NKD1: variants seen among roughly 807,000 people sequenced by gnomAD.
NKD1 encodes protein naked cuticle homolog 1.
A neutral mutation model predicts 56.0 loss-of-function variants in NKD1; 21 were observed. The observed-to-expected ratio is 0.38, with a 90% confidence interval of 0.27 to 0.54. The LOEUF is 0.54. NKD1 is among the 20% of genes least tolerant of loss of function. The pLI is 0.82. For synonymous variants in NKD1, 263 were observed against 265.7 expected, an observed-to-expected ratio of 0.99 and a Z score of 0.10; for missense variants, 578 against 642.7, an observed-to-expected ratio of 0.90 and a Z score of 1.09.
chr16:50,579,160 C>G (rs1212219331), intron 3 of NKD1, among the ~76,000 whole-genome samples: 2 of 151,688 alleles, frequency 1.3e-5, no homozygotes, highest in Non-Finnish European at 2.9e-5. Flanking sequence ...CGCACTCTAA[C>G]CAGCCACACA....
At chr16:50,628,956 C>CTT (rs5816708) in intron 6 of NKD1, among the ~76,000 whole-genome samples, 2,014 of 137,452 alleles carry the variant, frequency 0.015, 64 homozygotes, top group African/African-American at 0.048. Context: ...GTGTCTCTTC[C>CTT]TTTTTTTTTT....
intron 3 of NKD1, chr16:50,555,391 T>G (rs1960478686): frequency 6.6e-6 from 1 of 152,350 alleles, no homozygotes; most frequent in Non-Finnish European, 1.5e-5. Context: ...GTATGTTGGG[T>G]GGAGCAGGGC....
In NKD1 at chr16:50,633,547, C is replaced by T. The variant is rs549963482; in HGVS notation, c.1179C>T (p.Ser393=). The change falls in exon 10 of 10, where the codon TCC becomes TCT. Residue 393 remains serine (S), a synonymous_variant. Transcript: ENST00000268459. This position sits in a 1 kb window ranked among gnomAD's most constrained non-coding sequence, Gnocchi z 4.9. ...HLAASPALLP[S]LAPLGHKKHK... is the part of the protein sequence containing the mutation. ...CTGCCAGCCCGGCCCTCCTCCCCTCCCTAGCCCCCCTCGGGCACAAGAAGC... is the reference window on the plus strand; with the variant it reads ...CTGCCAGCCCGGCCCTCCTCCCCTCTCTAGCCCCCCTCGGGCACAAGAAGC... 2.5e-6 allele frequency: 4 copies of T among 1,611,282 alleles called. No homozygotes were observed. The African/African-American group carries it at 5.3e-5, about 21-fold the overall frequency.
At position 50,598,024 on chromosome 16, in the gene NKD1, G is replaced by T. The variant is rs551483554; in HGVS notation, c.193-10270G>T. Among the ~76,000 whole-genome samples, 45 of 152,302 alleles carry T rather than the reference G, an allele frequency of 3.0e-4. No individual in the cohort carries two copies. The highest frequency in any genetic ancestry group is 1.0e-3 in the African/African-American group (42 of 41,546). On this transcript the variant is annotated intron_variant, in intron 3 of 9. Coordinates refer to ENST00000268459, the MANE Select transcript of NKD1 (RefSeq NM_033119.5). This position sits in a 1 kb window ranked among gnomAD's most constrained non-coding sequence, Gnocchi z 4.2. The stretch of plus-strand genomic sequence containing the variant: ...CGCTCCGGGTGAAGGGGACAGGATG[G>T]TCCAGGGCTGGGAGGCTCCAAGTGG...
intron 4 of NKD1, among the ~76,000 whole-genome samples, chr16:50,614,703 C>T (rs1301078797): frequency 6.6e-5 from 10 of 152,210 alleles, no homozygotes; most frequent in African/African-American, 2.2e-4. Flanking sequence ...AACTCAGTCT[C>T]TCCTTAGCTC....
intron 3 of NKD1, among the ~76,000 whole-genome samples, chr16:50,581,792 A>G (rs1440950445): frequency 4.6e-5 from 7 of 152,198 alleles, no homozygotes; most frequent in Non-Finnish European, 1.0e-4. Flanking sequence ...GTTAGCTTAC[A>G]GAGGAGTGGG....
chr16:50,610,735 G>A (rs765080585), intron 4 of NKD1, among the ~76,000 whole-genome samples: 10 of 152,322 alleles, frequency 6.6e-5, no homozygotes, highest in Non-Finnish European at 1.2e-4. Flanking sequence ...TAGCTCCCGC[G>A]TTGTTATGTA....
chr16:50,587,955 C>T (rs1041283900), intron 3 of NKD1, among the ~76,000 whole-genome samples: 4 of 152,216 alleles, frequency 2.6e-5, no homozygotes, highest in African/African-American at 7.2e-5. Context: ...AACCGTCTGC[C>T]GACCCCTCTC....
Position 50,649,218 on chromosome 16 carries a change from A to C in NKD1, c.*15437A>C, listed in dbSNP as rs1962733617. 6.6e-6 allele frequency: 1 copy of C among 152,158 alleles called. No homozygotes were observed. Among genetic ancestry groups the C allele is most frequent in the African/African-American group, 2.4e-5 (1 of 41,422 alleles). 9.4% of individuals were successfully genotyped at this position (152,158 alleles called of 1,614,324 possible). ...TGTTTGCAACTTTCTGATAATTTAT[A>C]ATTATTTCAAAATAAAAAAATTTTA... is the stretch of plus-strand genomic sequence containing the variant. On this transcript the variant is annotated 3_prime_UTR_variant, in exon 10 of 10. Transcript: ENST00000268459.
intron 3 of NKD1, among the ~76,000 whole-genome samples, chr16:50,601,108 G>T (rs1961585920): frequency 6.6e-6 from 1 of 152,252 alleles, no homozygotes; most frequent in Admixed American, 6.5e-5. Flanking sequence ...AGCCCCAGGA[G>T]CCTGTCTTCC....
intron 3 of NKD1, chr16:50,573,928 G>A: frequency 1.3e-5 from 13 of 985,346 alleles, no homozygotes; most frequent in Non-Finnish European, 1.4e-5. Flanking sequence ...TGTCTGGGGT[G>A]CAGCCCAGCA....
At chr16:50,594,997 C>T (rs1430134166) in intron 3 of NKD1, among the ~76,000 whole-genome samples, 1 of 152,224 alleles carries the variant, frequency 6.6e-6, no homozygotes, top group Non-Finnish European at 1.5e-5. Context: ...CATGCCTGGA[C>T]CCACTACGTT....
intron 3 of NKD1, among the ~76,000 whole-genome samples, chr16:50,583,248 T>C (rs1216612615): frequency 2.0e-5 from 3 of 152,176 alleles, no homozygotes; most frequent in Non-Finnish European, 4.4e-5. Flanking sequence ...GCTTTTGCTT[T>C]TGTGCTTTTG....
At position 50,634,715 on chromosome 16, in the gene NKD1, A is replaced by G. The variant is rs1596764357; in HGVS notation, c.*934A>G. 1 of 152,228 alleles carries G rather than the reference A, an allele frequency of 6.6e-6. No homozygotes were observed. The highest frequency in any genetic ancestry group is 2.4e-5 in the African/African-American group (1 of 41,386). 9.4% of individuals were successfully genotyped at this position (152,228 alleles called of 1,614,324 possible). A position where few individuals can be genotyped will look rare whatever the true frequency, so the allele number is the denominator to read the frequency against. On this transcript the variant is annotated 3_prime_UTR_variant, in exon 10 of 10. Transcript: ENST00000268459. ...TCTATGTATCTTTCTATAAATATAC[A>G]CTCTCAGGTATCTTTTCTGGTGTGT...
Position 50,639,138 on chromosome 16 carries a change from G to C in NKD1, c.*5357G>C, listed in dbSNP as rs955879613. The C allele has an allele frequency of 2.6e-5, 4 of 152,158 alleles. No individual in the cohort carries two copies. The highest frequency in any genetic ancestry group is 9.7e-5 in the African/African-American group (4 of 41,400). 9.4% of individuals were successfully genotyped at this position (152,158 alleles called of 1,614,324 possible). ...CTGATGATGCTGAGTGGTGGGTCTGGGGTGTGGCCCAGGCATCATGATGTT... is the reference window on the plus strand; with the variant it reads ...CTGATGATGCTGAGTGGTGGGTCTGCGGTGTGGCCCAGGCATCATGATGTT... On this transcript the variant is annotated 3_prime_UTR_variant, in exon 10 of 10. Transcript: ENST00000268459.
At chr16:50,585,001 A>C (rs1961196921) in intron 3 of NKD1, among the ~76,000 whole-genome samples, 1 of 152,190 alleles carries the variant, frequency 6.6e-6, no homozygotes, top group Non-Finnish European at 1.5e-5. Flanking sequence ...GAGCCCAGGC[A>C]TGGCATTTTC....
At chr16:50,612,410 T>C (rs749616827) in intron 4 of NKD1, among the ~76,000 whole-genome samples, 1 of 152,156 alleles carries the variant, frequency 6.6e-6, no homozygotes, top group Non-Finnish European at 1.5e-5. Context: ...TCCTCACCAT[T>C]CAGTATGTGC....
intron 3 of NKD1, chr16:50,571,438 G>A (rs1960881542): frequency 3.1e-6 from 3 of 980,452 alleles, no homozygotes; most frequent in African/African-American, 3.5e-5. Flanking sequence ...CAAGTGCTCC[G>A]AAGACCTGGG....
At chr16:50,604,405 C>T (rs1013081994) in intron 3 of NKD1, among the ~76,000 whole-genome samples, 4 of 152,134 alleles carry the variant, frequency 2.6e-5, no homozygotes, top group African/African-American at 4.8e-5. Context: ...TGGGGTCTGG[C>T]GAGTCTCTCG....
Sources: gnomAD v4.1 joint callset for allele counts (sites outside exome capture counted in the v4.1 genomes callset) on GRCh38, gnomAD v4.1.1 for gene constraint, Gnocchi (gnomAD v3.1) non-coding constraint, MANE v1.5 for transcripts, NCBI Gene and HGNC (gene_info 2026-07-23, HGNC 2026-07-21) for gene names.